Variants in MBD5 observed in about 807,000 individuals in gnomAD.
MBD5 encodes methyl-CpG-binding domain protein 5.
MBD5 carries 13 observed loss-of-function variants against 117.3 expected under a neutral mutation model. The observed-to-expected ratio is 0.11, with a 90% CI of 0.07 to 0.18. The LOEUF (loss-of-function observed/expected upper bound fraction) is 0.18. Among genes scored for constraint, MBD5 ranks in the 10% least tolerant of loss-of-function variants. The pLI is 1.00. For missense variants in MBD5, 1,879 were observed against 2,093.8 expected, an observed-to-expected ratio of 0.90 and a Z score of 2.00; for synonymous variants, 727 against 766.4, an observed-to-expected ratio of 0.95 and a Z score of 0.85.
chr2:148,174,847 C>A (rs1698346554), intron 1 of MBD5, among the ~76,000 whole-genome samples: 1 of 151,562 alleles, frequency 6.6e-6, no homozygotes, highest in Non-Finnish European at 1.5e-5. Flanking sequence ...AAACTTTGTA[C>A]ACTGTTGGTG....
chr2:148,256,495 G>A (rs1700593485), intron 3 of MBD5, among the ~76,000 whole-genome samples: 1 of 152,250 alleles, frequency 6.6e-6, no homozygotes, highest in South Asian at 2.1e-4. Context: ...AGCAACTTCT[G>A]TATTTTCCAG....
intron 2 of MBD5, among the ~76,000 whole-genome samples, chr2:148,179,221 G>A (rs1698461206): frequency 6.6e-6 from 1 of 151,950 alleles, no homozygotes; most frequent in South Asian, 2.1e-4. Flanking sequence ...CGGGCGTGGT[G>A]GCAGGCGCGT....
At chr2:148,358,516 T>A (rs1703444080) in intron 4 of MBD5, among the ~76,000 whole-genome samples, 1 of 150,924 alleles carries the variant, frequency 6.6e-6, no homozygotes, top group African/African-American at 2.4e-5. Context: ...CTCACGCCTG[T>A]AAGTGCTCAC....
intron 3 of MBD5, among the ~76,000 whole-genome samples, chr2:148,292,628 G>T (rs1263424641): frequency 1.3e-5 from 2 of 152,146 alleles, no homozygotes; most frequent in African/African-American, 2.4e-5. Flanking sequence ...GGGAGTGCAA[G>T]TTAGTACAGC....
At chr2:148,389,251 CATATATATATATATAT>C (rs70995314) in intron 4 of MBD5, among the ~76,000 whole-genome samples, 938 of 32,386 alleles carry the variant, frequency 0.029, 72 homozygotes, top group African/African-American at 0.066. Flanking sequence ...GAAAAAAAAA[CATATATATATATATAT>C]ATATATATAT....
intron 2 of MBD5, among the ~76,000 whole-genome samples, chr2:148,221,256 G>A (rs928267162): frequency 1.3e-5 from 2 of 152,132 alleles, no homozygotes; most frequent in East Asian, 1.9e-4. Context: ...ATAACTCTTC[G>A]ATACGCTGAT....
intron 1 of MBD5, among the ~76,000 whole-genome samples, chr2:148,062,911 C>G (rs955722816): frequency 1.1e-4 from 16 of 151,988 alleles, no homozygotes; most frequent in Non-Finnish European, 2.4e-4. Context: ...AACCACCATC[C>G]TCATTAACAC....
intron 2 of MBD5, among the ~76,000 whole-genome samples, chr2:148,207,839 A>T (rs1204775669): frequency 6.6e-6 from 1 of 152,370 alleles, no homozygotes; most frequent in Non-Finnish European, 1.5e-5. Context: ...GTTCATATAG[A>T]TAACTTTTCA....
intron 3 of MBD5, among the ~76,000 whole-genome samples, chr2:148,242,531 GTTAGGT>G (rs778388691): frequency 6.6e-6 from 1 of 152,150 alleles, no homozygotes; most frequent in Non-Finnish European, 1.5e-5. Flanking sequence ...CCAGCCCACT[GTTAGGT>G]CGCCAGAAGA....
At chr2:148,505,210 TGGTA>T (rs1681994099) in intron 12 of MBD5, among the ~76,000 whole-genome samples, 1 of 152,182 alleles carries the variant, frequency 6.6e-6, no homozygotes, top group African/African-American at 2.4e-5. Flanking sequence ...TTGGGAGACT[TGGTA>T]GGTTGTAGAA....
chr2:148,049,600 G>A (rs1478791030), intron 1 of MBD5, among the ~76,000 whole-genome samples: 2 of 152,106 alleles, frequency 1.3e-5, no homozygotes, highest in African/African-American at 2.4e-5. Flanking sequence ...TTTAGAGCAT[G>A]CAATTCCTTG....
intron 1 of MBD5, among the ~76,000 whole-genome samples, chr2:148,074,911 C>T (rs1007419032): frequency 1.4e-4 from 22 of 151,972 alleles, no homozygotes; most frequent in South Asian, 2.1e-4. Context: ...TAGTATTATT[C>T]GAGGGTCTTG....
intron 2 of MBD5, among the ~76,000 whole-genome samples, chr2:148,231,883 G>T (rs556046990): frequency 7.4e-4 from 113 of 152,290 alleles, no homozygotes; most frequent in Non-Finnish European, 1.2e-3. Flanking sequence ...TAAATACTGT[G>T]AATGGAAATG....
At chr2:148,352,127 A>G (rs1238951647) in intron 4 of MBD5, among the ~76,000 whole-genome samples, 1 of 152,040 alleles carries the variant, frequency 6.6e-6, no homozygotes, top group African/African-American at 2.4e-5. Flanking sequence ...TCCAAAGCAG[A>G]GGAAGGCTCT....
chr2:148,401,944 G>A (rs541666092), intron 4 of MBD5, among the ~76,000 whole-genome samples: 1 of 151,608 alleles, frequency 6.6e-6, no homozygotes, highest in East Asian at 2.0e-4. Flanking sequence ...CCCTCAATTT[G>A]GGTTCTTCTA....
rs1699066807 is a variant in MBD5 at position 148,198,982 on chromosome 2, T to TATATATGAATATATC, written c.-831+20197_-831+20211dup. Among the ~76,000 whole-genome samples the TATATATGAATATATC allele has an allele frequency of 2.0e-5, 3 of 151,848 alleles. No homozygotes were observed. The South Asian group carries it at 6.2e-4, about 32-fold the overall frequency. Reference sequence around the variant, plus strand: ...TATGTATATATCTGTGTATATTATATATATATGAATATATCATATATGTAT... The same window carrying TATATATGAATATATC: ...TATGTATATATCTGTGTATATTATATATATATGAATATATCATATATGAATATATCATATATGTAT... On this transcript the variant is annotated intron_variant, in intron 2 of 13. Coordinates refer to ENST00000642680, the MANE Select transcript of MBD5 (RefSeq NM_001378120.1).
Position 148,489,541 on chromosome 2 carries a change from G to C in MBD5, c.3909G>C (p.Gln1303His). ...GGATTGACCCATCTCTTGGTCAACA[G>C]GTGAAGGATGGCCTCGTTGTGGGTG... ...QPRIDPSLGQ[Q>H]VKDGLVVGGP... Residue 1303 changes from glutamine to histidine, a missense_variant, in exon 11 of 14, where the codon CAG becomes CAC. Gln to His is a conservative substitution (Grantham distance 24). This residue lies in a region of MBD5 where 1,666 missense variants were observed against 1,792.2 expected (regional missense o/e 0.93). Coordinates refer to ENST00000642680, the MANE Select transcript of MBD5 (RefSeq NM_001378120.1). 6.2e-7 allele frequency: 1 copy of C among 1,614,176 alleles called. No homozygotes were observed. Among genetic ancestry groups the C allele is most frequent in the Non-Finnish European group, 8.5e-7 (1 of 1,180,034 alleles).
Position 148,468,532 on chromosome 2 carries a change from G to C in MBD5, c.589G>C (p.Val197Leu). 6.2e-7 allele frequency: 1 copy of C among 1,613,852 alleles called. No individual in the cohort carries two copies. Among genetic ancestry groups the C allele is most frequent in the Non-Finnish European group, 8.5e-7 (1 of 1,179,862 alleles). ...AAGCCAACAACAAGAACTCCACCCTGTCTACCCCCGACAGAGATTGGGCAG... is the reference window on the plus strand; with the variant it reads ...AAGCCAACAACAAGAACTCCACCCTCTCTACCCCCGACAGAGATTGGGCAG... ...PGSQQQELHPVYPRQRLGSSE... is the reference protein window; with the variant it reads ...PGSQQQELHPLYPRQRLGSSE... Residue 197 changes from valine to leucine, a missense_variant, in exon 8 of 14, where the codon GTC (valine) becomes CTC (leucine). By Grantham distance (32) the Val-to-Leu change is conservative. Around this residue, in one of 4 missense-constraint regions of MBD5, gnomAD observed 1,666 missense variants for 1,792.2 expected, o/e 0.93. Coordinates refer to ENST00000642680, the MANE Select transcript of MBD5 (RefSeq NM_001378120.1).
At chr2:148,052,529 G>A (rs1343681860) in intron 1 of MBD5, among the ~76,000 whole-genome samples, 1 of 151,926 alleles carries the variant, frequency 6.6e-6, no homozygotes, top group Admixed American at 6.6e-5. Flanking sequence ...TTTATTGTGG[G>A]CATTTACAGC....
Sources: allele counts gnomAD v4.1 joint callset (sites outside exome capture counted in the v4.1 genomes callset), GRCh38; gene constraint gnomAD v4.1.1; regional missense constraint gnomAD v4.1.1; transcripts MANE v1.5; gene names NCBI Gene and HGNC (gene_info 2026-07-23, HGNC 2026-07-21).